Variants in NEGR1 observed in about 807,000 individuals in gnomAD.
NEGR1 encodes the protein IgLON family member 4.
A neutral mutation model predicts 40.9 loss-of-function variants in NEGR1; 10 were observed. That is an observed-to-expected ratio of 0.24 (90% CI 0.15 to 0.42). NEGR1 has a LOEUF of 0.42. Ranked by LOEUF, NEGR1 falls within the 10% of genes least tolerant of loss-of-function variation. NEGR1 has a pLI of 1.00. For synonymous variants in NEGR1, 185 were observed against 166.8 expected (o/e 1.11, Z -0.84); for missense variants, 352 against 438.9 (o/e 0.80, Z 1.77).
At chr1:71,415,126 G>T (rs1646346800) in intron 6 of NEGR1, among the ~76,000 whole-genome samples, 1 of 150,922 alleles carries the variant, frequency 6.6e-6, no homozygotes. Flanking sequence ...CTAACATTTT[G>T]GGTTTTTTTT....
At chr1:72,161,681 T>TTTC (rs1557556879) in intron 1 of NEGR1, among the ~76,000 whole-genome samples, 1 of 134,384 alleles carries the variant, frequency 7.4e-6, no homozygotes, top group African/African-American at 2.9e-5. Flanking sequence ...TCTTTCTTTT[T>TTTC]TTTTTTTTTT....
chr1:72,275,976 G>C (rs980175648), intron 1 of NEGR1, among the ~76,000 whole-genome samples: 4 of 151,942 alleles, frequency 2.6e-5, no homozygotes, highest in Non-Finnish European at 4.4e-5. Flanking sequence ...CACACCTGTA[G>C]TCCCAGCTAC....
chr1:72,052,574 A>T (rs1403944672), intron 1 of NEGR1, among the ~76,000 whole-genome samples: 1 of 151,488 alleles, frequency 6.6e-6, no homozygotes, highest in Non-Finnish European at 1.5e-5. Flanking sequence ...ATGTATACAT[A>T]ACCACATTTC....
chr1:71,808,594 T>G (rs1657866280), intron 2 of NEGR1, among the ~76,000 whole-genome samples: 1 of 152,166 alleles, frequency 6.6e-6, no homozygotes, highest in South Asian at 2.1e-4. Flanking sequence ...TGTAACTGCA[T>G]GATTTTAGAA....
intron 6 of NEGR1, among the ~76,000 whole-genome samples, chr1:71,556,024 C>A (rs1449649163): frequency 6.6e-6 from 1 of 151,322 alleles, no homozygotes; most frequent in Non-Finnish European, 1.5e-5. Context: ...CTTGCCACTA[C>A]TAGATCATAA....
chr1:71,725,546 T>G (rs1654642282), intron 3 of NEGR1, among the ~76,000 whole-genome samples: 1 of 152,126 alleles, frequency 6.6e-6, no homozygotes, highest in African/African-American at 2.4e-5. Context: ...TGCTGAACTT[T>G]ACGATTAATA....
At chr1:71,758,074 T>C (rs1045268880) in intron 3 of NEGR1, among the ~76,000 whole-genome samples, 1 of 152,000 alleles carries the variant, frequency 6.6e-6, no homozygotes, top group Non-Finnish European at 1.5e-5. Context: ...AACTGAAGCA[T>C]AGGGAGCTTA....
chr1:71,555,759 T>C (rs61413856), intron 6 of NEGR1, among the ~76,000 whole-genome samples: 7,045 of 151,650 alleles, frequency 0.046, 559 homozygotes, highest in African/African-American at 0.16. Context: ...GAAATCACTT[T>C]TGATACCCCT....
chr1:71,888,216 A>C (rs917812090), intron 2 of NEGR1, among the ~76,000 whole-genome samples: 12 of 152,164 alleles, frequency 7.9e-5, no homozygotes, highest in African/African-American at 2.7e-4. Context: ...GGGAGGAGCC[A>C]AGATGGCTGA....
intron 1 of NEGR1, among the ~76,000 whole-genome samples, chr1:72,166,468 T>A (rs1651769251): frequency 1.3e-5 from 2 of 152,112 alleles, no homozygotes; most frequent in Admixed American, 1.3e-4. Flanking sequence ...AAAAAGAAGA[T>A]GTCTGCACTC....
intron 4 of NEGR1, among the ~76,000 whole-genome samples, chr1:71,663,996 G>A (rs933244816): frequency 2.6e-5 from 4 of 152,112 alleles, no homozygotes; most frequent in East Asian, 1.9e-4. Flanking sequence ...ATTTCCATAC[G>A]TGCTGGGATC....
intron 2 of NEGR1, among the ~76,000 whole-genome samples, chr1:71,783,019 G>T (rs1458838302): frequency 6.6e-6 from 1 of 150,796 alleles, no homozygotes; most frequent in Non-Finnish European, 1.5e-5. Flanking sequence ...TTGGATCTTT[G>T]CAAATTTAAA....
chr1:72,052,843 T>C (rs1347361420), intron 1 of NEGR1, among the ~76,000 whole-genome samples: 1 of 151,408 alleles, frequency 6.6e-6, no homozygotes, highest in African/African-American at 2.4e-5. Flanking sequence ...CTGTTTATAT[T>C]TGCATTTGTC....
At chr1:71,503,611 A>G (rs939901398) in intron 6 of NEGR1, among the ~76,000 whole-genome samples, 1 of 152,160 alleles carries the variant, frequency 6.6e-6, no homozygotes, top group Non-Finnish European at 1.5e-5. Context: ...GGCATCTAGC[A>G]TGTTGCCCCT....
At chr1:71,466,328 C>T (rs1411882420) in intron 6 of NEGR1, among the ~76,000 whole-genome samples, 2 of 152,136 alleles carry the variant, frequency 1.3e-5, no homozygotes, top group East Asian at 1.9e-4. Context: ...TTCATTCATT[C>T]GGTAAATATT....
intron 1 of NEGR1, among the ~76,000 whole-genome samples, chr1:72,007,197 C>G (rs1646615359): frequency 1.3e-5 from 2 of 152,068 alleles, no homozygotes; most frequent in Admixed American, 1.3e-4. Flanking sequence ...CATTCACTTG[C>G]ACTAGTAAAT....
intron 1 of NEGR1, among the ~76,000 whole-genome samples, chr1:72,227,606 G>T (rs1031965904): frequency 1.3e-5 from 2 of 152,066 alleles, no homozygotes; most frequent in Non-Finnish European, 2.9e-5. Context: ...GGAAGTGTTT[G>T]GCTTTTACTA....
chr1:71,454,074 A>G (rs1386241422), intron 6 of NEGR1, among the ~76,000 whole-genome samples: 1 of 152,118 alleles, frequency 6.6e-6, no homozygotes, highest in Non-Finnish European at 1.5e-5. Flanking sequence ...TTTGAACTTA[A>G]ATCTTTTTCC....
intron 1 of NEGR1, among the ~76,000 whole-genome samples, chr1:72,073,911 A>T (rs1199605001): frequency 1.3e-5 from 2 of 152,148 alleles, no homozygotes; most frequent in Non-Finnish European, 2.9e-5. Flanking sequence ...AAATAATATC[A>T]CAGAATGACA....
Sources: gnomAD v4.1 joint callset for allele counts (sites outside exome capture counted in the v4.1 genomes callset) on GRCh38, gnomAD v4.1.1 for gene constraint, MANE v1.5 for transcripts, NCBI Gene and HGNC (gene_info 2026-07-23, HGNC 2026-07-21) for gene names.